The following CDK6 variants were observed in gnomAD, a reference collection of about 807,000 sequenced individuals.
CDK6 encodes the protein cyclin-dependent kinase 6.
CDK6 carries 6 observed loss-of-function variants against 37.1 expected under a neutral mutation model. That is an observed-to-expected ratio of 0.16 (90% confidence interval 0.09 to 0.32). The LOEUF (loss-of-function observed/expected upper bound fraction) is 0.32. Ranked by LOEUF, CDK6 falls within the 10% of genes least tolerant of loss-of-function variation. The pLI is 1.00. For synonymous variants in CDK6, 160 were observed against 161.3 expected, an observed-to-expected ratio of 0.99 and a Z score of 0.06; for missense variants, 224 against 418.9, an observed-to-expected ratio of 0.53 and a Z score of 4.06.
At chr7:92,690,557 C>T (rs756449123) in intron 4 of CDK6, among the ~76,000 whole-genome samples, 3 of 152,104 alleles carry the variant, frequency 2.0e-5, no homozygotes, top group South Asian at 2.1e-4. Flanking sequence ...TAGCATGATG[C>T]CTCCAGCTTT....
At chr7:92,726,270 T>C (rs1798510351) in intron 3 of CDK6, among the ~76,000 whole-genome samples, 2 of 152,190 alleles carry the variant, frequency 1.3e-5, no homozygotes, top group Admixed American at 6.5e-5. Flanking sequence ...ATTCTAAGCA[T>C]TGTCCACTTA....
intron 4 of CDK6, among the ~76,000 whole-genome samples, chr7:92,706,092 C>T (rs1239269578): frequency 6.6e-6 from 1 of 152,200 alleles, no homozygotes; most frequent in Non-Finnish European, 1.5e-5. Flanking sequence ...GACATTAATT[C>T]CTAATCCATA....
chr7:92,834,077 G>C lies in CDK6; in HGVS notation c.-367-387C>G, dbSNP rs1801578496. ...TATCCCTATATCATTGTGTTGCGCC[G>C]CTACCCTCCCCGCCTCCTGAGGCCC... On this transcript the variant is annotated intron_variant, in intron 1 of 7. Transcript: ENST00000424848. The surrounding 1 kb of genome is among the most constrained non-coding windows in gnomAD (Gnocchi z 4.6). Among the ~76,000 whole-genome samples the C allele has an allele frequency of 6.6e-6, 1 of 151,928 alleles. No individual in the cohort carries two copies. Among genetic ancestry groups the C allele is most frequent in the African/African-American group, 2.4e-5 (1 of 41,338 alleles).
At chr7:92,677,176 TCAA>T (rs1440589630) in intron 4 of CDK6, among the ~76,000 whole-genome samples, 5 of 152,352 alleles carry the variant, frequency 3.3e-5, no homozygotes, top group African/African-American at 1.2e-4. Flanking sequence ...TTTTAAACTA[TCAA>T]CATCTGTCTA....
chr7:92,735,419 C>T (rs1162879176), intron 3 of CDK6, among the ~76,000 whole-genome samples: 1 of 152,098 alleles, frequency 6.6e-6, no homozygotes, highest in East Asian at 1.9e-4. Context: ...AGCTCTTCCC[C>T]GCTCCTCTAG....
Position 92,657,103 on chromosome 7 carries a change from C to T in CDK6, c.647+14323G>A, listed in dbSNP as rs572204469. On this transcript the variant is annotated intron_variant, in intron 5 of 7. Transcript: ENST00000424848. ...ATTAAATAAATGTGTATGTTTTTCT[C>T]TTAAAAAAAAAAAGAATTGGCTTTC... 4.0e-5 allele frequency among the ~76,000 whole-genome samples: 6 copies of T among 151,204 alleles called. No individual in the cohort carries two copies. In the South Asian group the frequency reaches 1.3e-3, roughly 32 times the overall value.
chr7:92,782,573 A>C (rs1265444047), intron 2 of CDK6, among the ~76,000 whole-genome samples: 1 of 152,194 alleles, frequency 6.6e-6, no homozygotes, highest in African/African-American at 2.4e-5. Flanking sequence ...AAACTGGCAA[A>C]GTCTCAGCCT....
At chr7:92,640,519 A>G (rs974484151) in intron 5 of CDK6, among the ~76,000 whole-genome samples, 1 of 152,206 alleles carries the variant, frequency 6.6e-6, no homozygotes, top group Non-Finnish European at 1.5e-5. Context: ...ATTTTCTATG[A>G]CTGAAGGCTT....
At chr7:92,765,151 A>G (rs1175062567) in intron 3 of CDK6, among the ~76,000 whole-genome samples, 2 of 152,190 alleles carry the variant, frequency 1.3e-5, no homozygotes, top group African/African-American at 2.4e-5. Flanking sequence ...AAAATGAAAA[A>G]CATGTATCAC....
At chr7:92,764,047 G>C (rs1250811176) in intron 3 of CDK6, among the ~76,000 whole-genome samples, 1 of 151,224 alleles carries the variant, frequency 6.6e-6, no homozygotes, top group Admixed American at 6.6e-5. Flanking sequence ...AAAATCTGTT[G>C]GGTTTAAAAA....
At position 92,612,555 on chromosome 7, in the gene CDK6, C is replaced by A. The variant is rs1795585172; in HGVS notation, c.*2585G>T. The A allele has an allele frequency of 8.6e-6, 2 of 232,960 alleles. No individual in the cohort carries two copies. The highest frequency in any genetic ancestry group is 4.4e-5 in the African/African-American group (2 of 45,336). The allele number at this position is 232,960 out of a possible 1,614,324, so 14.4% of individuals were successfully genotyped here. ...TGGAAGAACTGGGGACAGATTTTTACAAAGTTCAGAGAGGCTGAGATGCCC... is the reference window on the plus strand; with the variant it reads ...TGGAAGAACTGGGGACAGATTTTTAAAAAGTTCAGAGAGGCTGAGATGCCC... On this transcript the variant is annotated 3_prime_UTR_variant, in exon 8 of 8. Coordinates refer to ENST00000424848, the MANE Select transcript of CDK6 (RefSeq NM_001145306.2).
At chr7:92,801,578 T>G (rs895769322) in intron 2 of CDK6, among the ~76,000 whole-genome samples, 9 of 152,050 alleles carry the variant, frequency 5.9e-5, no homozygotes, top group Non-Finnish European at 1.2e-4. Context: ...CATAAGCACC[T>G]CCCAAAATTA....
At chr7:92,795,468 T>C (rs958789389) in intron 2 of CDK6, among the ~76,000 whole-genome samples, 1 of 152,126 alleles carries the variant, frequency 6.6e-6, no homozygotes, top group African/African-American at 2.4e-5. Context: ...AGACCAAAAC[T>C]AGGTCACAAA....
intron 2 of CDK6, among the ~76,000 whole-genome samples, chr7:92,811,632 A>G (rs1440878855): frequency 6.6e-6 from 1 of 151,980 alleles, no homozygotes; most frequent in East Asian, 1.9e-4. Context: ...TGCCCTTGCA[A>G]CTACTACCTG....
intron 4 of CDK6, among the ~76,000 whole-genome samples, chr7:92,691,391 A>G (rs1399293607): frequency 6.6e-6 from 1 of 152,254 alleles, no homozygotes; most frequent in African/African-American, 2.4e-5. Flanking sequence ...ATGTCTATGT[A>G]CAATAAAAAT....
intron 3 of CDK6, among the ~76,000 whole-genome samples, chr7:92,772,615 G>A (rs1469556320): frequency 2.0e-5 from 3 of 151,530 alleles, no homozygotes; most frequent in African/African-American, 7.3e-5. Context: ...CAAGCCTCCA[G>A]CTCCATCCTG....
chr7:92,706,630 C>A (rs1333980012), intron 4 of CDK6, among the ~76,000 whole-genome samples: 1 of 152,146 alleles, frequency 6.6e-6, no homozygotes, highest in East Asian at 1.9e-4. Context: ...TTTTTCTGTG[C>A]CATCCTCAAC....
chr7:92,802,505 G>A (rs754482487), intron 2 of CDK6, among the ~76,000 whole-genome samples: 28 of 152,046 alleles, frequency 1.8e-4, no homozygotes, highest in African/African-American at 6.8e-4. Context: ...AGAGAATTCT[G>A]TCTACTTAAC....
rs1398076682 is a variant in CDK6 at position 92,835,413 on chromosome 7, A to G, written c.-368+1065T>C. 3 of 136,196 alleles carry G rather than the reference A, an allele frequency of 2.2e-5. No individual in the cohort carries two copies. The highest frequency in any genetic ancestry group is 8.3e-5 in the African/African-American group (3 of 35,976). The allele number at this position is 136,196 out of a possible 1,614,324, so 8.4% of individuals were successfully genotyped here. A position where few individuals can be genotyped will look rare whatever the true frequency, so the allele number is the denominator to read the frequency against. ...CTGGCTCTCCCCCCACTCGCCCCCCAGACGGTCGGCTTCGGCGGAGAGAAA... is the reference window on the plus strand; with the variant it reads ...CTGGCTCTCCCCCCACTCGCCCCCCGGACGGTCGGCTTCGGCGGAGAGAAA... On this transcript the variant is annotated intron_variant, in intron 1 of 7. Coordinates refer to ENST00000424848, the MANE Select transcript of CDK6 (RefSeq NM_001145306.2). This position sits in a 1 kb window ranked among gnomAD's most constrained non-coding sequence, Gnocchi z 4.2.
Sources: gnomAD v4.1 joint callset for allele counts (sites outside exome capture counted in the v4.1 genomes callset) on GRCh38, gnomAD v4.1.1 for gene constraint, Gnocchi (gnomAD v3.1) non-coding constraint, MANE v1.5 for transcripts, NCBI Gene and HGNC (gene_info 2026-07-23, HGNC 2026-07-21) for gene names.